The following MED12L variants were observed in gnomAD, a reference collection of about 807,000 sequenced individuals.
The protein encoded by MED12L is mediator of RNA polymerase II transcription subunit 12-like protein.
MED12L carries 60 observed loss-of-function variants against 281.3 expected under a neutral mutation model. The ratio of observed to expected loss-of-function variants is 0.21; its 90% CI spans 0.17 to 0.26. The LOEUF (loss-of-function observed/expected upper bound fraction) is 0.26, where lower values mean the gene tolerates loss of function less well. MED12L is among the 10% of genes least tolerant of loss of function. The pLI, the probability that MED12L is intolerant of heterozygous loss-of-function variation, is 1.00. For synonymous variants in MED12L, 974 were observed against 987.2 expected, an observed-to-expected ratio of 0.99 and a Z score of 0.25; for missense variants, 2,146 against 2,680.9, an observed-to-expected ratio of 0.80 and a Z score of 4.41.
At chr3:151,338,830 T>C (rs1426241330) in intron 16 of MED12L, 1 of 1,613,632 alleles carries the variant, frequency 6.2e-7, no homozygotes, top group Admixed American at 1.7e-5. Context: ...GAGGTGAGGT[T>C]GTCGACGGCT....
At chr3:151,243,113 G>A (rs1343990711) in intron 16 of MED12L, among the ~76,000 whole-genome samples, 1 of 151,926 alleles carries the variant, frequency 6.6e-6, no homozygotes, top group South Asian at 2.1e-4. Flanking sequence ...ATATGGGGCT[G>A]TGTGAAAAGA....
At chr3:151,254,408 C>A (rs1358659161) in intron 16 of MED12L, among the ~76,000 whole-genome samples, 2 of 152,204 alleles carry the variant, frequency 1.3e-5, no homozygotes, top group African/African-American at 4.8e-5. Context: ...CATCTAGTGA[C>A]CAGGGGAAAC....
intron 16 of MED12L, among the ~76,000 whole-genome samples, chr3:151,220,308 A>G (rs1249494956): frequency 1.3e-5 from 2 of 152,050 alleles, no homozygotes; most frequent in Non-Finnish European, 2.9e-5. Context: ...AGGTTTAGCA[A>G]AATGGTGGTT....
chr3:151,142,279 T>C (rs1181422527), intron 5 of MED12L, among the ~76,000 whole-genome samples: 2 of 152,222 alleles, frequency 1.3e-5, no homozygotes, highest in Non-Finnish European at 2.9e-5. Flanking sequence ...GAAGATCAAC[T>C]GTGTGAAGCT....
intron 28 of MED12L, 121 bp from the exon 29 acceptor site, chr3:151,376,679 T>A (rs1385359666): frequency 1.2e-6 from 1 of 810,272 alleles, no homozygotes; most frequent in Non-Finnish European, 2.0e-6. Context: ...TTGACTCATA[T>A]AAATTATTTC....
At chr3:151,281,755 C>T (rs1256915676) in intron 16 of MED12L, among the ~76,000 whole-genome samples, 2 of 152,156 alleles carry the variant, frequency 1.3e-5, no homozygotes, top group Non-Finnish European at 1.5e-5. Flanking sequence ...CACCCCTAGC[C>T]CACCCCACGT....
At chr3:151,186,054 TG>T (rs1559852630) in intron 12 of MED12L, among the ~76,000 whole-genome samples, 1 of 152,200 alleles carries the variant, frequency 6.6e-6, no homozygotes, top group African/African-American at 2.4e-5. Context: ...GAGGCAGTTA[TG>T]ATTATGATAT....
intron 24 of MED12L, 93 bp downstream of exon 24, chr3:151,367,859 G>T (rs1320256533): frequency 2.8e-6 from 4 of 1,406,836 alleles, no homozygotes; most frequent in Non-Finnish European, 2.9e-6. Context: ...GAGTATTTGA[G>T]GGTATGTATA....
At chr3:151,222,325 G>A (rs1460985077) in intron 16 of MED12L, among the ~76,000 whole-genome samples, 1 of 152,170 alleles carries the variant, frequency 6.6e-6, no homozygotes, top group African/African-American at 2.4e-5. Flanking sequence ...TGGAAGACAT[G>A]ATTGGTTTTG....
chr3:151,141,189 T>TTTTTTTTTGTTTG lies in MED12L; in HGVS notation c.556+13213_556+13214insGTTTGTTTTTTTT, dbSNP rs1553808536. ...GCGTTTTTTTTTTTGTTTTTTTTGT[T>TTTTTTTTTGTTTG]TTTTTTTTTTTGTTAGTAGAGACGG... On this transcript the variant is annotated intron_variant, in intron 5 of 44. Coordinates refer to ENST00000687756, the MANE Select transcript of MED12L (RefSeq NM_001393769.1). Among the ~76,000 whole-genome samples, 175 of 138,090 alleles carry TTTTTTTTTGTTTG rather than the reference T, an allele frequency of 1.3e-3. 2 individuals carry two copies. The highest frequency in any genetic ancestry group is 2.3e-3 in the Non-Finnish European group (152 of 65,458). The allele number at this position is 138,090 out of a possible 152,430, so 90.6% of individuals were successfully genotyped here.
At chr3:151,251,892 C>T (rs909326009) in intron 16 of MED12L, among the ~76,000 whole-genome samples, 1 of 152,136 alleles carries the variant, frequency 6.6e-6, no homozygotes, top group Non-Finnish European at 1.5e-5. Context: ...TATTTATGTA[C>T]ATGGAATCAC....
chr3:151,299,398 TTCCCC>T (rs1326249621), intron 16 of MED12L, among the ~76,000 whole-genome samples: 6 of 137,274 alleles, frequency 4.4e-5, no homozygotes, highest in South Asian at 4.9e-4. Context: ...TTCTTTTCTT[TTCCCC>T]TCCCCTCCCC....
At chr3:151,172,881 T>C (rs1290578841) in intron 11 of MED12L, among the ~76,000 whole-genome samples, 1 of 152,240 alleles carries the variant, frequency 6.6e-6, no homozygotes, top group Non-Finnish European at 1.5e-5. Flanking sequence ...AAAGGAAGCG[T>C]TGCTAGTCTT....
chr3:151,120,235 C>T (rs1190400382), intron 3 of MED12L, among the ~76,000 whole-genome samples: 4 of 149,956 alleles, frequency 2.7e-5, no homozygotes, highest in Non-Finnish European at 5.9e-5. Flanking sequence ...AAAAAAAAAA[C>T]AAAACGAAAA....
rs1173622308 is a variant in MED12L at position 151,405,145 on chromosome 3, C to G, written c.5821-4098C>G. On this transcript the variant is annotated intron_variant, in intron 39 of 44. Coordinates refer to ENST00000687756, the MANE Select transcript of MED12L (RefSeq NM_001393769.1). Reference sequence around the variant, plus strand: ...AGGAAGATAGGTCAGTATTGAACAGCACAGCTTCTTTAGAAGTTTTTTAAA... The same window carrying G: ...AGGAAGATAGGTCAGTATTGAACAGGACAGCTTCTTTAGAAGTTTTTTAAA... 2.6e-5 allele frequency among the ~76,000 whole-genome samples: 4 copies of G among 152,158 alleles called. No individual in the cohort carries two copies. The East Asian group carries it at 7.7e-4, about 29-fold the overall frequency.
chr3:151,226,863 G>A (rs1008375984), intron 16 of MED12L, among the ~76,000 whole-genome samples: 3 of 152,050 alleles, frequency 2.0e-5, no homozygotes, highest in African/African-American at 4.8e-5. Flanking sequence ...ATACAGAGTC[G>A]GACTATCATG....
At chr3:151,425,191 A>C (rs1038084004) in intron 43 of MED12L, among the ~76,000 whole-genome samples, 5 of 152,234 alleles carry the variant, frequency 3.3e-5, no homozygotes, top group African/African-American at 1.2e-4. Context: ...TCAGTCCTGC[A>C]GCTGATTTTG....
intron 38 of MED12L, among the ~76,000 whole-genome samples, chr3:151,390,886 T>C (rs925475102): frequency 7.9e-5 from 12 of 152,216 alleles, no homozygotes; most frequent in Non-Finnish European, 1.5e-4. Flanking sequence ...TATTTTGTCC[T>C]CTAAATTAAT....
At chr3:151,171,774 C>T (rs557974854) in intron 11 of MED12L, among the ~76,000 whole-genome samples, 2 of 152,252 alleles carry the variant, frequency 1.3e-5, no homozygotes, top group East Asian at 1.9e-4. Context: ...GTGCAGCTGG[C>T]GAACTCTGCT....
Sources: gnomAD v4.1 joint callset for allele counts (sites outside exome capture counted in the v4.1 genomes callset) on GRCh38, gnomAD v4.1.1 for gene constraint, MANE v1.5 for transcripts, NCBI Gene and HGNC (gene_info 2026-07-23, HGNC 2026-07-21) for gene names.